SUPT5H: variants seen among roughly 807,000 people sequenced by gnomAD.
SUPT5H encodes transcription elongation factor SPT5.
Under a neutral mutation model 142.5 loss-of-function variants are expected in SUPT5H, and 24 were observed. The ratio of observed to expected loss-of-function variants is 0.17; its 90% CI spans 0.12 to 0.24. The LOEUF (loss-of-function observed/expected upper bound fraction) is 0.24, where lower values mean the gene tolerates loss of function less well. SUPT5H is among the 10% of genes least tolerant of loss of function. SUPT5H has a pLI of 1.00. For synonymous variants in SUPT5H, 546 were observed against 553.0 expected (o/e 0.99, Z 0.18); for missense variants, 893 against 1,471.8 (o/e 0.61, Z 6.43).
Position 39,458,282 on chromosome 19 carries a change from TC to T in SUPT5H, c.308-10del. The T allele has an allele frequency of 1.1e-6, 1 of 896,318 alleles. No individual in the cohort carries two copies. The highest frequency in any genetic ancestry group is 1.7e-6 in the Non-Finnish European group (1 of 595,098). The allele number at this position is 896,318 out of a possible 1,614,324, so 55.5% of individuals were successfully genotyped here. A position where few individuals can be genotyped will look rare whatever the true frequency, so the allele number is the denominator to read the frequency against. On this transcript the variant is annotated splice_polypyrimidine_tract_variant and intron_variant, in intron 4 of 29. Transcript: ENST00000432763. This position sits in a 1 kb window ranked among gnomAD's most constrained non-coding sequence, Gnocchi z 4.2. ...CACCACCACCACCACCACCTCCTCT[TC>T]CTCCAAGTAGAAGAGATTGAAGGTA...
Position 39,457,659 on chromosome 19 carries a change from G to A in SUPT5H, c.242-16G>A, listed in dbSNP as rs2079107246. On this transcript the variant is annotated splice_polypyrimidine_tract_variant and intron_variant, in intron 3 of 29. Transcript: ENST00000432763. Reference sequence around the variant, plus strand: ...AGGTCACCTTTGCCACTTACCACTTGGCCTTTCCGTTTTAGATGTTGACGA... The same window carrying A: ...AGGTCACCTTTGCCACTTACCACTTAGCCTTTCCGTTTTAGATGTTGACGA... 6.2e-7 allele frequency: 1 copy of A among 1,612,626 alleles called. No homozygotes were observed. Among genetic ancestry groups the A allele is most frequent in the Admixed American group, 1.7e-5 (1 of 59,982 alleles).
rs2079299328 is a variant in SUPT5H at position 39,470,149 on chromosome 19, A to G, written c.1405A>G (p.Arg469Gly). 1 of 1,613,154 alleles carries G rather than the reference A, an allele frequency of 6.2e-7. No individual in the cohort carries two copies. The part of the protein sequence containing the change: ...DMLEFPAQEL[R>G]KYFKMGDHVK... ...GTTGGAGTTCCCAGCCCAGGAACTT[A>G]GAAAATACTTCAAGATGGGGGACCA... Residue 469 changes from arginine (R) to glycine (G), a missense_variant, in exon 17 of 30, where the codon AGA becomes GGA. Physicochemically the swap from Arg to Gly is moderately radical, Grantham distance 125. Coordinates refer to ENST00000432763, the MANE Select transcript of SUPT5H (RefSeq NM_001111020.3). The surrounding 1 kb of genome is among the most constrained non-coding windows in gnomAD (Gnocchi z 5.8).
At position 39,469,503 on chromosome 19, in the gene SUPT5H, G is replaced by T; in HGVS notation, c.1374+105G>T. The T allele has an allele frequency of 6.5e-7, 1 of 1,532,414 alleles. No homozygotes were observed. The highest frequency in any genetic ancestry group is 2.3e-5 in the East Asian group (1 of 42,888). 94.9% of individuals were successfully genotyped at this position (1,532,414 alleles called of 1,614,324 possible). On this transcript the variant is annotated intron_variant, in intron 16 of 29. Transcript: ENST00000432763. This position sits in a 1 kb window ranked among gnomAD's most constrained non-coding sequence, Gnocchi z 5.1. ...GCCTGGTGACACCTGGTTTCCAGGA[G>T]GGTAAGTTGAGGCCCTTCTAGCATT...
chr19:39,451,177 T>C (rs926950329), intron 2 of SUPT5H, among the ~76,000 whole-genome samples: 1 of 148,716 alleles, frequency 6.7e-6, no homozygotes, highest in East Asian at 2.0e-4. Context: ...ACATTTACTT[T>C]GAGCATGACC....
At chr19:39,450,497 G>C (rs1032679491) in intron 2 of SUPT5H, among the ~76,000 whole-genome samples, 4 of 152,200 alleles carry the variant, frequency 2.6e-5, no homozygotes, top group Non-Finnish European at 1.5e-5. Context: ...CACTGAGAGA[G>C]TATGGTCCAA....
At chr19:39,476,229 C>T in intron 29 of SUPT5H, 27 bp from the exon 30 acceptor site, 1 of 1,614,012 alleles carries the variant, frequency 6.2e-7, no homozygotes, top group Non-Finnish European at 8.5e-7. Flanking sequence ...CTGACATGGA[C>T]CCTGACCATA....
chr19:39,463,722 A>T (rs770805038), intron 10 of SUPT5H, among the ~76,000 whole-genome samples: 3 of 152,194 alleles, frequency 2.0e-5, no homozygotes, highest in Non-Finnish European at 4.4e-5. Flanking sequence ...TCTTGGGTCT[A>T]GCTCTATCCA....
intron 3 of SUPT5H, among the ~76,000 whole-genome samples, chr19:39,456,884 A>G (rs1165225939): frequency 6.6e-6 from 1 of 152,234 alleles, no homozygotes; most frequent in African/African-American, 2.4e-5. Context: ...ATATGTACAC[A>G]GATATCTCTA....
In SUPT5H at chr19:39,458,843, G is replaced by A. The variant is rs1239563194; in HGVS notation, c.345G>A (p.Leu115=). The A allele has an allele frequency of 3.7e-6, 6 of 1,613,486 alleles. No individual in the cohort carries two copies. Among genetic ancestry groups the A allele is most frequent in the East Asian group, 4.5e-5 (2 of 44,856 alleles). Residue 115 remains leucine, a synonymous_variant, in exon 6 of 30, where the codon CTG becomes CTA. Coordinates refer to ENST00000432763, the MANE Select transcript of SUPT5H (RefSeq NM_001111020.3). This position sits in a 1 kb window ranked among gnomAD's most constrained non-coding sequence, Gnocchi z 4.2. ...IEASNIDNVV[L]DEDRSGARRL... is the part of the protein sequence containing the mutation. ...CCTCCAATATCGATAATGTTGTCCT[G>A]GATGAAGATCGTTCTGGGGCTCGCC...
At position 39,476,236 on chromosome 19, in the gene SUPT5H, C is replaced by T. The variant is rs769526196; in HGVS notation, c.3121-20C>T. ...GTTGGGTGCTGACATGGACCCTGAC[C>T]ATATTCCCCCCACCCCCAGGTGAAA... On this transcript the variant is annotated intron_variant, in intron 29 of 29. Coordinates refer to ENST00000432763, the MANE Select transcript of SUPT5H (RefSeq NM_001111020.3). 29 of 1,614,022 alleles carry T rather than the reference C, an allele frequency of 1.8e-5. No individual in the cohort carries two copies. Among genetic ancestry groups the T allele is most frequent in the Non-Finnish European group, 2.4e-5 (28 of 1,179,994 alleles).
rs2079310872 is a variant in SUPT5H, at chr19:39,470,935, A to G, written c.1677+412A>G. 6.6e-6 allele frequency among the ~76,000 whole-genome samples: 1 copy of G among 151,606 alleles called. No homozygotes were observed. The highest frequency in any genetic ancestry group is 2.4e-5 in the African/African-American group (1 of 41,190). ...GGCTTTGTTGCTCCTGTGCTGTCTG[A>G]CCCTGGGCTAGTGACTCACCCTCTC... is the stretch of plus-strand genomic sequence containing the variant. On this transcript the variant is annotated intron_variant, in intron 18 of 29. Coordinates refer to ENST00000432763, the MANE Select transcript of SUPT5H (RefSeq NM_001111020.3). The surrounding 1 kb of genome is among the most constrained non-coding windows in gnomAD (Gnocchi z 5.8).
chr19:39,463,723 G>C (rs894031424), intron 10 of SUPT5H, among the ~76,000 whole-genome samples: 1 of 152,184 alleles, frequency 6.6e-6, no homozygotes, highest in Non-Finnish European at 1.5e-5. Context: ...CTTGGGTCTA[G>C]CTCTATCCAT....
In SUPT5H at chr19:39,474,428, AG is replaced by A; in HGVS notation, c.2820+29del. 1 of 1,611,554 alleles carries A rather than the reference AG, an allele frequency of 6.2e-7. No homozygotes were observed. Among genetic ancestry groups the A allele is most frequent in the East Asian group, 2.2e-5 (1 of 44,802 alleles). On this transcript the variant is annotated intron_variant, in intron 27 of 29. Transcript: ENST00000432763. This position sits in a 1 kb window ranked among gnomAD's most constrained non-coding sequence, Gnocchi z 6.5. ...GTAATGGTCTGCCTGCCTGCCCTGA[AG>A]GGTGGTGGGCTAGGGTGACTTTGGG...
chr19:39,446,293 C>A (rs763608020), intron 2 of SUPT5H, among the ~76,000 whole-genome samples: 29 of 151,816 alleles, frequency 1.9e-4, no homozygotes, highest in Non-Finnish European at 4.1e-4. Context: ...ATGTACCAGG[C>A]GCAATTCTTT....
intron 3 of SUPT5H, among the ~76,000 whole-genome samples, chr19:39,455,215 C>G (rs1305381518): frequency 6.6e-6 from 1 of 151,972 alleles, no homozygotes; most frequent in Non-Finnish European, 1.5e-5. Context: ...TGGGAGAGCT[C>G]TGAGTTAGTA....
Position 39,459,029 on chromosome 19 carries a change from C to A in SUPT5H, c.414C>A (p.Gly138=). ...GGGACCAGCGAGAAGAAGAACTGGG[C>A]GAGTATTACATGAAGAAATACGCCA... is the stretch of plus-strand genomic sequence containing the variant. The part of the protein sequence containing the change: ...LWRDQREEEL[G]EYYMKKYAKS... Residue 138 remains glycine (G), a synonymous_variant, in exon 7 of 30, where the codon GGC becomes GGA. Coordinates refer to ENST00000432763, the MANE Select transcript of SUPT5H (RefSeq NM_001111020.3). The A allele has an allele frequency of 6.2e-7, 1 of 1,613,658 alleles. No homozygotes were observed. The highest frequency in any genetic ancestry group is 2.2e-5 in the East Asian group (1 of 44,872).
intron 2 of SUPT5H, among the ~76,000 whole-genome samples, chr19:39,452,532 G>T (rs748237779): frequency 5.3e-5 from 8 of 152,146 alleles, no homozygotes; most frequent in Non-Finnish European, 1.0e-4. Context: ...TCCAGGGAGG[G>T]CATGGTTGGG....
At chr19:39,460,998 C>T (rs750220994) in intron 10 of SUPT5H, among the ~76,000 whole-genome samples, 2 of 152,100 alleles carry the variant, frequency 1.3e-5, no homozygotes, top group East Asian at 1.9e-4. Flanking sequence ...CCTCAAAGGC[C>T]GGCCATGGTG....
chr19:39,460,255 AC>A, intron 10 of SUPT5H: 1 of 401,540 alleles, frequency 2.5e-6, no homozygotes, highest in Non-Finnish European at 4.6e-6. Flanking sequence ...TTGCCTGTTC[AC>A]CAGCCCTGTT....
Sources: allele counts gnomAD v4.1 joint callset (sites outside exome capture counted in the v4.1 genomes callset), GRCh38; gene constraint gnomAD v4.1.1; non-coding constraint Gnocchi (gnomAD v3.1); transcripts MANE v1.5; gene names NCBI Gene and HGNC (gene_info 2026-07-23, HGNC 2026-07-21).